Variants in B3GALT1 observed in about 807,000 individuals in gnomAD.
The protein encoded by B3GALT1 is beta-1,3-galactosyltransferase 1.
In B3GALT1, 10 loss-of-function variants were observed where a neutral mutation model predicts 23.2. The observed-to-expected ratio is 0.43, with a 90% CI of 0.27 to 0.73. The LOEUF is 0.73. Among genes scored for constraint, B3GALT1 ranks in the 30% least tolerant of loss-of-function variants. The pLI is 0.21. For synonymous variants in B3GALT1, 156 were observed against 141.5 expected (o/e 1.10, Z -0.73); for missense variants, 299 against 405.4 (o/e 0.74, Z 2.25).
intron 1 of B3GALT1, among the ~76,000 whole-genome samples, chr2:167,400,162 A>ATGTGTGTGTGTG (rs1280272336): frequency 1.1e-4 from 3 of 26,366 alleles, no homozygotes; most frequent in East Asian, 1.1e-3. Flanking sequence ...TTTTACATCT[A>ATGTGTGTGTGTG]TGTCTGTGTG....
At chr2:167,459,591 G>A (rs992240501) in intron 1 of B3GALT1, among the ~76,000 whole-genome samples, 4 of 152,114 alleles carry the variant, frequency 2.6e-5, no homozygotes, top group South Asian at 2.1e-4. Flanking sequence ...TTTTTCAAAC[G>A]TACTTGTCTC....
intron 4 of B3GALT1, among the ~76,000 whole-genome samples, chr2:167,850,300 A>G (rs1241502929): frequency 1.3e-5 from 2 of 152,238 alleles, no homozygotes; most frequent in South Asian, 2.1e-4. Context: ...AAAATGCTCA[A>G]CATCACTAAT....
intron 4 of B3GALT1, among the ~76,000 whole-genome samples, chr2:167,823,358 T>TAA (rs112118285): frequency 6.7e-6 from 1 of 149,724 alleles, no homozygotes; most frequent in African/African-American, 2.4e-5. Context: ...GGACTGGAAC[T>TAA]AAAAAAAAAA....
chr2:167,706,265 T>C (rs1574223427), intron 3 of B3GALT1, among the ~76,000 whole-genome samples: 1 of 152,352 alleles, frequency 6.6e-6, no homozygotes, highest in East Asian at 1.9e-4. Flanking sequence ...CACTAATCTT[T>C]CTAATTGCAA....
intron 2 of B3GALT1, among the ~76,000 whole-genome samples, chr2:167,627,533 C>T (rs1342387338): frequency 2.0e-5 from 3 of 151,524 alleles, no homozygotes; most frequent in Non-Finnish European, 1.5e-5. Flanking sequence ...AGTAGTATGC[C>T]CTTGTATGAA....
chr2:167,810,149 T>C (rs1688855121), intron 3 of B3GALT1, among the ~76,000 whole-genome samples: 1 of 151,064 alleles, frequency 6.6e-6, no homozygotes. Context: ...AGTATTAGGA[T>C]GGGAGTGACC....
At chr2:167,551,171 T>A (rs546154194) in intron 2 of B3GALT1, among the ~76,000 whole-genome samples, 34 of 152,306 alleles carry the variant, frequency 2.2e-4, no homozygotes, top group African/African-American at 8.2e-4. Context: ...AAGAATATAG[T>A]CTACCTGTGT....
intron 2 of B3GALT1, among the ~76,000 whole-genome samples, chr2:167,616,343 G>C (rs1435540398): frequency 6.6e-6 from 1 of 151,940 alleles, no homozygotes; most frequent in Non-Finnish European, 1.5e-5. Context: ...ACTGCCCTGG[G>C]GAAACTATTA....
chr2:167,443,057 T>C (rs1466791431), intron 1 of B3GALT1, among the ~76,000 whole-genome samples: 1 of 152,010 alleles, frequency 6.6e-6, no homozygotes, highest in Non-Finnish European at 1.5e-5. Flanking sequence ...TTGTATAAGG[T>C]GTAAGGAAGG....
intron 2 of B3GALT1, among the ~76,000 whole-genome samples, chr2:167,633,081 G>A (rs1384434756): frequency 6.6e-6 from 1 of 151,774 alleles, no homozygotes; most frequent in African/African-American, 2.4e-5. Flanking sequence ...TGAAAATGAT[G>A]GAGAGAATGG....
At chr2:167,710,308 A>G (rs1341808137) in intron 3 of B3GALT1, among the ~76,000 whole-genome samples, 1 of 152,250 alleles carries the variant, frequency 6.6e-6, no homozygotes, top group Non-Finnish European at 1.5e-5. Context: ...TATGTACTCA[A>G]GATCCCTAGA....
chr2:167,839,001 T>A (rs1187752864), intron 4 of B3GALT1, among the ~76,000 whole-genome samples: 1 of 152,256 alleles, frequency 6.6e-6, no homozygotes, highest in African/African-American at 2.4e-5. Flanking sequence ...AAACTCTCAA[T>A]AAATTAGGTA....
Position 167,873,279 on chromosome 2 carries a change from C to T in B3GALT1, c.*3259C>T, listed in dbSNP as rs1242754221. ...AACGTTTCTCTTTGGTGGCTAGTTT[C>T]GGTGGCTTGGTGTCTTCTTATATTG... is the stretch of plus-strand genomic sequence containing the variant. On this transcript the variant is annotated 3_prime_UTR_variant, in exon 5 of 5. Transcript: ENST00000392690. The T allele has an allele frequency of 2.0e-5, 3 of 151,950 alleles. No homozygotes were observed. Among genetic ancestry groups the T allele is most frequent in the Admixed American group, 6.6e-5 (1 of 15,244 alleles). 9.4% of individuals were successfully genotyped at this position (151,950 alleles called of 1,614,324 possible). A position where few individuals can be genotyped will look rare whatever the true frequency, so the allele number is the denominator to read the frequency against.
chr2:167,870,163 G>C lies in B3GALT1; in HGVS notation c.*143G>C, dbSNP rs1039552478. On this transcript the variant is annotated 3_prime_UTR_variant, in exon 5 of 5. Transcript: ENST00000392690. Reference sequence around the variant, plus strand: ...CTTCCTGCTATAAGTTCTTTTCTTGGATTACCAATTTATGAATGTTAGACT... The same window carrying C: ...CTTCCTGCTATAAGTTCTTTTCTTGCATTACCAATTTATGAATGTTAGACT... The C allele has an allele frequency of 1.4e-5, 11 of 813,976 alleles. No individual in the cohort carries two copies. In the African/African-American group the frequency reaches 1.9e-4, roughly 14 times the overall value. The allele number at this position is 813,976 out of a possible 1,614,324, so 50.4% of individuals were successfully genotyped here.
chr2:167,600,717 G>T (rs13422865), intron 2 of B3GALT1, among the ~76,000 whole-genome samples: 12,870 of 152,228 alleles, frequency 0.085, 1,172 homozygotes, highest in African/African-American at 0.22. Flanking sequence ...TGTCAGGACT[G>T]CATGCCTTTT....
intron 3 of B3GALT1, among the ~76,000 whole-genome samples, chr2:167,713,327 CAT>C (rs2105520298): frequency 6.6e-6 from 1 of 152,250 alleles, no homozygotes; most frequent in African/African-American, 2.4e-5. Flanking sequence ...AGAGATAAAA[CAT>C]GAATTTTAAT....
intron 2 of B3GALT1, among the ~76,000 whole-genome samples, chr2:167,530,298 A>G (rs1477015568): frequency 2.6e-5 from 4 of 152,136 alleles, no homozygotes; most frequent in Admixed American, 6.6e-5. Flanking sequence ...TATTACACTT[A>G]TATATTACAT....
At chr2:167,739,941 A>C (rs1318232893) in intron 3 of B3GALT1, among the ~76,000 whole-genome samples, 16 of 146,562 alleles carry the variant, frequency 1.1e-4, no homozygotes, top group East Asian at 4.0e-4. Context: ...AAAACAAACA[A>C]AAAAAAAAAA....
intron 2 of B3GALT1, among the ~76,000 whole-genome samples, chr2:167,545,771 G>T (rs1261905567): frequency 1.3e-5 from 2 of 152,130 alleles, no homozygotes; most frequent in African/African-American, 4.8e-5. Flanking sequence ...AACTCAAAAA[G>T]TTCTATACTT....
Sources: allele counts gnomAD v4.1 joint callset (sites outside exome capture counted in the v4.1 genomes callset), GRCh38; gene constraint gnomAD v4.1.1; transcripts MANE v1.5; gene names NCBI Gene and HGNC (gene_info 2026-07-23, HGNC 2026-07-21).